The following THSD4 variants were observed in gnomAD, a reference collection of about 807,000 sequenced individuals.
THSD4 encodes the protein thrombospondin type 1 domain containing 4.
Under a neutral mutation model 119.0 loss-of-function variants are expected in THSD4, and 69 were observed. The observed-to-expected ratio is 0.58, with a 90% CI of 0.48 to 0.71. The LOEUF is 0.71. Ranked by LOEUF, THSD4 falls within the 30% of genes least tolerant of loss-of-function variation. The pLI is 0.00. For missense variants in THSD4, 1,393 were observed against 1,391.1 expected (o/e 1.00, Z -0.02); for synonymous variants, 524 against 540.4 (o/e 0.97, Z 0.42).
Position 71,215,284 on chromosome 15 carries a change from A to C in THSD4, c.349A>C (p.Ser117Arg), listed in dbSNP as rs2043922964. ...GCGCACGTCGGTGCCACTGCACCGGAGCCGCGACGAGACGCCAGCGCTGGC... is the reference window on the plus strand; with the variant it reads ...GCGCACGTCGGTGCCACTGCACCGGCGCCGCGACGAGACGCCAGCGCTGGC... ...AVRTSVPLHR[S>R]RDETPALAGT... The change falls in exon 4 of 18, where the codon AGC (serine) becomes CGC (arginine). Residue 117 changes from serine to arginine, a missense_variant. Transcript: ENST00000261862. 1.3e-6 allele frequency: 2 copies of C among 1,521,406 alleles called. No individual in the cohort carries two copies. The highest frequency in any genetic ancestry group is 1.8e-6 in the Non-Finnish European group (2 of 1,140,612). The allele number at this position is 1,521,406 out of a possible 1,614,324, so 94.2% of individuals were successfully genotyped here.
At chr15:71,214,518 G>T (rs994136369) in intron 3 of THSD4, among the ~76,000 whole-genome samples, 1 of 152,198 alleles carries the variant, frequency 6.6e-6, no homozygotes. Context: ...GTGAAGGTCC[G>T]CAGCTTCATT....
chr15:71,309,086 A>G (rs766878531), intron 6 of THSD4, among the ~76,000 whole-genome samples: 13 of 152,158 alleles, frequency 8.5e-5, no homozygotes, highest in Non-Finnish European at 1.6e-4. Context: ...AGTAGCTGTG[A>G]TTACAGGCGC....
chr15:71,684,600 A>G lies in THSD4; in HGVS notation c.1357+23866A>G, dbSNP rs79041506. On this transcript the variant is annotated intron_variant, in intron 8 of 17. Transcript: ENST00000261862. ...TTTTTTCTTTAAAGTTTTCTATATT[A>G]TCCTTGAATTCCTGGATTATACCCT... is the stretch of plus-strand genomic sequence containing the variant. Among the ~76,000 whole-genome samples, 624 of 151,208 alleles carry G rather than the reference A, an allele frequency of 4.1e-3. 3 individuals carry two copies. The highest frequency in any genetic ancestry group is 0.017 in the Middle Eastern group (5 of 292).
intron 7 of THSD4, among the ~76,000 whole-genome samples, chr15:71,610,428 A>C (rs557228556): frequency 1.3e-5 from 2 of 152,250 alleles, no homozygotes; most frequent in Admixed American, 1.3e-4. Context: ...TTAGGAAGGC[A>C]CTGGGGCATA....
intron 7 of THSD4, among the ~76,000 whole-genome samples, chr15:71,441,481 G>GTT (rs144658901): frequency 1.2e-3 from 165 of 132,162 alleles, no homozygotes; most frequent in Admixed American, 3.7e-3. Flanking sequence ...GCCCCCTGGG[G>GTT]TTTTTTTTTT....
At chr15:71,441,213 C>T (rs1355207115) in intron 7 of THSD4, among the ~76,000 whole-genome samples, 5 of 151,952 alleles carry the variant, frequency 3.3e-5, no homozygotes, top group East Asian at 3.9e-4. Flanking sequence ...GATGGTGATG[C>T]GGGGATGTGT....
rs548725077 is a variant in THSD4, at chr15:71,586,972, A to T, written c.1153-73558A>T. Reference sequence around the variant, plus strand: ...CATCTCTGACCCTTTACAGTTTTCAAAGCACTTTTATAGCTGTGATCTCAT... The same window carrying T: ...CATCTCTGACCCTTTACAGTTTTCATAGCACTTTTATAGCTGTGATCTCAT... On this transcript the variant is annotated intron_variant, in intron 7 of 17. Coordinates refer to ENST00000261862, the MANE Select transcript of THSD4 (RefSeq NM_024817.3). 1.6e-4 allele frequency among the ~76,000 whole-genome samples: 25 copies of T among 152,348 alleles called. No individual in the cohort carries two copies. In the East Asian group the frequency reaches 2.5e-3, roughly 15 times the overall value.
chr15:71,381,720 T>C (rs963368398), intron 6 of THSD4, among the ~76,000 whole-genome samples: 1 of 152,200 alleles, frequency 6.6e-6, no homozygotes, highest in African/African-American at 2.4e-5. Flanking sequence ...TTCTGTAGCA[T>C]AGAACATTTT....
intron 7 of THSD4, among the ~76,000 whole-genome samples, chr15:71,525,870 C>G (rs2048510607): frequency 6.6e-6 from 1 of 152,184 alleles, no homozygotes; most frequent in African/African-American, 2.4e-5. Flanking sequence ...GACTCACCAC[C>G]TTTCCCATTC....
At chr15:71,603,829 A>T (rs781754451) in intron 7 of THSD4, among the ~76,000 whole-genome samples, 1 of 152,206 alleles carries the variant, frequency 6.6e-6, no homozygotes, top group Non-Finnish European at 1.5e-5. Flanking sequence ...CTGGCAGTAT[A>T]TAAAGGGTGG....
At chr15:71,292,006 G>T (rs561478598) in intron 6 of THSD4, among the ~76,000 whole-genome samples, 1 of 152,276 alleles carries the variant, frequency 6.6e-6, no homozygotes, top group East Asian at 1.9e-4. Flanking sequence ...GAAAGGGTGC[G>T]AGGGAAGTAT....
chr15:71,146,805 C>A (rs1011738890), intron 2 of THSD4, among the ~76,000 whole-genome samples: 2 of 152,114 alleles, frequency 1.3e-5, no homozygotes, highest in Non-Finnish European at 2.9e-5. Flanking sequence ...CCCTGGCAAA[C>A]CCCCATCTGT....
chr15:71,680,916 ATTTTTTT>A (rs771191395), intron 8 of THSD4, among the ~76,000 whole-genome samples: 10 of 135,510 alleles, frequency 7.4e-5, no homozygotes, highest in Non-Finnish European at 1.4e-4. Flanking sequence ...ATTACTAGTA[ATTTTTTT>A]TTTTTTTTTT....
chr15:71,103,115 C>T (rs1265872431), intron 1 of THSD4, among the ~76,000 whole-genome samples: 1 of 151,510 alleles, frequency 6.6e-6, no homozygotes, highest in African/African-American at 2.4e-5. Context: ...TATTACAGGA[C>T]CCCAGGTCTG....
intron 7 of THSD4, among the ~76,000 whole-genome samples, chr15:71,637,974 G>C (rs2050781459): frequency 6.6e-6 from 1 of 152,118 alleles, no homozygotes; most frequent in Non-Finnish European, 1.5e-5. Context: ...TGATCCACCT[G>C]CCTCAGCCTC....
intron 3 of THSD4, among the ~76,000 whole-genome samples, chr15:71,198,373 G>A (rs1412684790): frequency 6.6e-6 from 1 of 152,228 alleles, no homozygotes; most frequent in Non-Finnish European, 1.5e-5. Flanking sequence ...AGACTGTGCT[G>A]CCCAAATGCC....
chr15:71,746,771 G>A (rs756986148), intron 12 of THSD4, 67 bp from the exon 13 acceptor site: 38 of 1,506,180 alleles, frequency 2.5e-5, no homozygotes, highest in East Asian at 1.1e-4. Flanking sequence ...ACGCTGCTGC[G>A]GGCTCACGCT....
chr15:71,379,160 G>T (rs2046192092), intron 6 of THSD4, among the ~76,000 whole-genome samples: 1 of 150,664 alleles, frequency 6.6e-6, no homozygotes, highest in South Asian at 2.1e-4. Context: ...AGGTAGCACT[G>T]GTGTGTGTGG....
chr15:71,251,167 G>A (rs571670294), intron 5 of THSD4, among the ~76,000 whole-genome samples: 1 of 152,254 alleles, frequency 6.6e-6, no homozygotes, highest in African/African-American at 2.4e-5. Flanking sequence ...TAACTGGAGC[G>A]AAATTTTGGC....
Sources: allele counts gnomAD v4.1 joint callset (sites outside exome capture counted in the v4.1 genomes callset), GRCh38; gene constraint gnomAD v4.1.1; transcripts MANE v1.5; gene names NCBI Gene and HGNC (gene_info 2026-07-23, HGNC 2026-07-21).